Variants in NARS1 observed in about 807,000 individuals in gnomAD.
NARS1 encodes the protein asparagine--tRNA ligase, cytoplasmic.
NARS1 carries 65 observed loss-of-function variants against 79.2 expected under a neutral mutation model. That is an observed-to-expected ratio of 0.82 (90% CI 0.67 to 1.01). NARS1 has a LOEUF of 1.01. NARS1 is among the 50% of genes least tolerant of loss of function. The pLI is 0.00. For synonymous variants in NARS1, 229 were observed against 238.8 expected, an observed-to-expected ratio of 0.96 and a Z score of 0.38; for missense variants, 649 against 673.8, an observed-to-expected ratio of 0.96 and a Z score of 0.41.
chr18:57,609,261 C>CCCTAAT, intron 7 of NARS1, 96 bp downstream of exon 7: 1 of 984,014 alleles, frequency 1.0e-6, no homozygotes, highest in Non-Finnish European at 1.6e-6. Flanking sequence ...CTCTGAAGAA[C>CCCTAAT]CCTAATACAT....
chr18:57,618,602 G>T (rs984441351), intron 2 of NARS1, among the ~76,000 whole-genome samples: 2 of 152,080 alleles, frequency 1.3e-5, no homozygotes, highest in Non-Finnish European at 2.9e-5. Flanking sequence ...CCTTAAGAGT[G>T]GTTAAAAAGT....
chr18:57,602,958 G>A lies in NARS1; in HGVS notation c.1252-15C>T, dbSNP rs760326561. 31 of 1,613,450 alleles carry A rather than the reference G, an allele frequency of 1.9e-5. No homozygotes were observed. In the Admixed American group the frequency reaches 4.0e-4, roughly 21 times the overall value. On this transcript the variant is annotated splice_polypyrimidine_tract_variant and intron_variant, in intron 11 of 13. Transcript: ENST00000256854. ...TCTGGGATATCCTGAGGTCAAACAA[G>A]ACTTCATTAACATTTACAACTTGGA...
At chr18:57,612,575 A>C (rs1056967635) in intron 5 of NARS1, among the ~76,000 whole-genome samples, 1 of 152,080 alleles carries the variant, frequency 6.6e-6, no homozygotes, top group African/African-American at 2.4e-5. Context: ...AGCTGGGATT[A>C]CAGGTGCTCA....
At chr18:57,611,825 C>T (rs1161838280) in intron 5 of NARS1, 118 bp from the exon 6 acceptor site, 2 of 402,766 alleles carry the variant, frequency 5.0e-6, no homozygotes, top group African/African-American at 2.2e-5. Context: ...TGCAGTGGCA[C>T]AATCACAGCT....
chr18:57,613,599 T>G lies in NARS1; in HGVS notation c.421+3A>C, dbSNP rs2051623559. The G allele has an allele frequency of 6.2e-7, 1 of 1,611,560 alleles. No homozygotes were observed. The highest frequency in any genetic ancestry group is 8.5e-7 in the Non-Finnish European group (1 of 1,178,382). On this transcript the variant is annotated splice_donor_region_variant and intron_variant, in intron 5 of 13. Coordinates refer to ENST00000256854, the MANE Select transcript of NARS1 (RefSeq NM_004539.4). ...AAAAAGAAGGAAAAGCTTTGCCATT[T>G]ACCTTGCCTGCGCAGCCTGTGGACC...
chr18:57,619,841 C>T (rs185194651), intron 2 of NARS1, among the ~76,000 whole-genome samples: 84 of 152,156 alleles, frequency 5.5e-4, no homozygotes, highest in Admixed American at 5.4e-3. Context: ...GCACGCACCA[C>T]CATGCTGGGC....
intron 6 of NARS1, among the ~76,000 whole-genome samples, chr18:57,610,983 T>A (rs79789478): frequency 1.4e-3 from 209 of 151,370 alleles, no homozygotes; most frequent in South Asian, 2.7e-3. Context: ...TTTTTTTTTT[T>A]TGAGACAAGG....
intron 10 of NARS1, among the ~76,000 whole-genome samples, chr18:57,606,183 T>C (rs2051554643): frequency 2.0e-5 from 3 of 151,666 alleles, no homozygotes; most frequent in South Asian, 4.2e-4. Flanking sequence ...ACCCCATCTC[T>C]ACTAAAAATA....
intron 11 of NARS1, among the ~76,000 whole-genome samples, chr18:57,605,132 A>T (rs201743405): frequency 0.2 from 24,771 of 121,846 alleles, 2,283 homozygotes; most frequent in Non-Finnish European, 0.24. Flanking sequence ...AAAAAAAAAA[A>T]AAATATATAT....
chr18:57,620,462 C>G (rs548253425), intron 2 of NARS1, 107 bp downstream of exon 2: 2 of 711,632 alleles, frequency 2.8e-6, no homozygotes, highest in Non-Finnish European at 4.8e-6. Flanking sequence ...TCTGAAAATT[C>G]TCTTTGGAAC....
chr18:57,606,741 C>T lies in NARS1; in HGVS notation c.1012G>A (p.Val338Met), dbSNP rs774014736. 31 of 1,614,046 alleles carry T rather than the reference C, an allele frequency of 1.9e-5. No individual in the cohort carries two copies. The highest frequency in any genetic ancestry group is 2.7e-5 in the African/African-American group (2 of 74,930). ...TRRHLAEYTH[V>M]EAECPFLTFD... ...GTCAGGAAAGGACACTCAGCTTCCACGTGAGTGTACCTGAAGAACGAGACA... is the reference window on the plus strand; with the variant it reads ...GTCAGGAAAGGACACTCAGCTTCCATGTGAGTGTACCTGAAGAACGAGACA... Residue 338 changes from valine (V) to methionine (M), a missense_variant, in exon 10 of 14, where the codon GTG (valine) becomes ATG (methionine). Coordinates refer to ENST00000256854, the MANE Select transcript of NARS1 (RefSeq NM_004539.4).
chr18:57,608,286 TA>T (rs1353613904), intron 7 of NARS1, among the ~76,000 whole-genome samples: 1 of 151,738 alleles, frequency 6.6e-6, no homozygotes, highest in Non-Finnish European at 1.5e-5. Context: ...CCATCTCTAC[TA>T]AAAATACAAA....
Position 57,620,616 on chromosome 18 carries a change from C to A in NARS1, c.46G>T (p.Ala16Ser). ...LYVSDREGSD[A>S]TGDGTKEKPF... The stretch of plus-strand genomic sequence containing the variant: ...TTCTCCTTGGTTCCATCTCCCGTGG[C>A]ATCGCTTCCCTCTCGGTCAGAGACG... Residue 16 changes from alanine to serine, a missense_variant, in exon 2 of 14, where the codon GCC (alanine) becomes TCC (serine). Coordinates refer to ENST00000256854, the MANE Select transcript of NARS1 (RefSeq NM_004539.4). 3.1e-6 allele frequency: 5 copies of A among 1,613,918 alleles called. No individual in the cohort carries two copies. The highest frequency in any genetic ancestry group is 4.2e-6 in the Non-Finnish European group (5 of 1,179,920).
chr18:57,619,382 TA>T (rs1011344273), intron 2 of NARS1, among the ~76,000 whole-genome samples: 1 of 149,458 alleles, frequency 6.7e-6, no homozygotes, highest in African/African-American at 2.5e-5. Context: ...TTAAATTTAT[TA>T]AAAAATTTTT....
intron 5 of NARS1, 52 bp from the exon 6 acceptor site, chr18:57,611,759 T>G (rs1157405205): frequency 6.9e-6 from 7 of 1,007,824 alleles, no homozygotes; most frequent in Non-Finnish European, 9.6e-6. Flanking sequence ...GGCATTAAAT[T>G]TTATATATAT....
At chr18:57,614,013 C>T (rs1302943657) in intron 4 of NARS1, among the ~76,000 whole-genome samples, 1 of 152,164 alleles carries the variant, frequency 6.6e-6, no homozygotes, top group African/African-American at 2.4e-5. Flanking sequence ...GCAACAATCC[C>T]AGTCCACATG....
At chr18:57,611,828 T>C (rs1052213706) in intron 5 of NARS1, 121 bp from the exon 6 acceptor site, 3 of 390,786 alleles carry the variant, frequency 7.7e-6, no homozygotes, top group Admixed American at 9.6e-5. Flanking sequence ...AGTGGCACAA[T>C]CACAGCTCGC....
Position 57,613,673 on chromosome 18 carries a change from A to G in NARS1, c.350T>C (p.Ile117Thr), listed in dbSNP as rs2122447124. The change falls in exon 5 of 14, where the codon ATT (isoleucine) becomes ACT (threonine). Residue 117 changes from isoleucine to threonine, a missense_variant. Transcript: ENST00000256854. ...PSLPEPKCVK[I>T]GALEGYRGQR... ...GCCTCTATATCCTTCTAACGCACCA[A>G]TCTTCACCTGTCAAATTGAAATAAA... 1.9e-6 allele frequency: 3 copies of G among 1,613,618 alleles called. No individual in the cohort carries two copies. Among genetic ancestry groups the G allele is most frequent in the South Asian group, 2.2e-5 (2 of 91,038 alleles).
At chr18:57,621,673 A>C (rs772578711) in intron 1 of NARS1, 35 bp downstream of exon 1, 1 of 1,586,216 alleles carries the variant, frequency 6.3e-7, no homozygotes. Flanking sequence ...TGCCCCAGGC[A>C]GGGAACACCG....
Sources: gnomAD v4.1 joint callset for allele counts (sites outside exome capture counted in the v4.1 genomes callset) on GRCh38, gnomAD v4.1.1 for gene constraint, MANE v1.5 for transcripts, NCBI Gene and HGNC (gene_info 2026-07-23, HGNC 2026-07-21) for gene names.